Variants in ADAM9 observed in about 807,000 individuals in gnomAD.
The protein encoded by ADAM9 is disintegrin and metalloproteinase domain-containing protein 9.
A neutral mutation model predicts 108.1 loss-of-function variants in ADAM9; 54 were observed. That is an observed-to-expected ratio of 0.50 (90% CI 0.40 to 0.63). ADAM9 has a LOEUF of 0.63. ADAM9 is among the 20% of genes least tolerant of loss of function. The pLI, the probability that ADAM9 is intolerant of heterozygous loss-of-function variation, is 0.00. For synonymous variants in ADAM9, 316 were observed against 336.0 expected, an observed-to-expected ratio of 0.94 and a Z score of 0.65; for missense variants, 830 against 997.7, an observed-to-expected ratio of 0.83 and a Z score of 2.26.
At chr8:39,056,797 A>C (rs1447392389) in intron 14 of ADAM9, among the ~76,000 whole-genome samples, 3 of 151,966 alleles carry the variant, frequency 2.0e-5, no homozygotes, top group African/African-American at 7.3e-5. Flanking sequence ...TATTTATTTC[A>C]ATTTGTTCAA....
At chr8:39,094,593 A>G (rs1166138217) in intron 20 of ADAM9, among the ~76,000 whole-genome samples, 4 of 152,090 alleles carry the variant, frequency 2.6e-5, no homozygotes, top group Admixed American at 6.5e-5. Flanking sequence ...TACTAATTCA[A>G]TCTCCTTACT....
intron 12 of ADAM9, among the ~76,000 whole-genome samples, chr8:39,044,958 G>GTGTGTGCACACATACCTATGTATGTGTA (rs1837582712): frequency 6.6e-6 from 1 of 150,534 alleles, no homozygotes; most frequent in Non-Finnish European, 1.5e-5. Flanking sequence ...ATGTGTATAT[G>GTGTGTGCACACATACCTATGTATGTGTA]TGTGTGCACA....
rs887309781 is a variant in ADAM9, at chr8:39,092,165, T to A, written c.2298+819T>A. 2.6e-5 allele frequency among the ~76,000 whole-genome samples: 4 copies of A among 152,218 alleles called. No homozygotes were observed. The South Asian group carries it at 8.3e-4, about 31-fold the overall frequency. On this transcript the variant is annotated intron_variant, in intron 20 of 21. Transcript: ENST00000487273. ...AAGCAATATGTAATTTTTTAATGTT[T>A]TAAAACTTTTAAGAACGTTTTATTT...
intron 6 of ADAM9, among the ~76,000 whole-genome samples, chr8:39,018,265 T>C (rs1836610748): frequency 6.6e-6 from 1 of 152,242 alleles, no homozygotes; most frequent in Non-Finnish European, 1.5e-5. Context: ...TGCTATCCAC[T>C]CTTTTGACTT....
chr8:39,044,150 A>C (rs1479531818), intron 12 of ADAM9, among the ~76,000 whole-genome samples: 1 of 152,202 alleles, frequency 6.6e-6, no homozygotes. Flanking sequence ...CATCATATCC[A>C]TGAAATCATT....
At chr8:39,086,216 T>C (rs1287851457) in intron 18 of ADAM9, among the ~76,000 whole-genome samples, 1 of 152,176 alleles carries the variant, frequency 6.6e-6, no homozygotes, top group Non-Finnish European at 1.5e-5. Context: ...GGTTTTACGC[T>C]GTTGGCCAGG....
At chr8:39,017,937 G>T (rs933808048) in intron 6 of ADAM9, among the ~76,000 whole-genome samples, 4 of 152,294 alleles carry the variant, frequency 2.6e-5, no homozygotes, top group Non-Finnish European at 4.4e-5. Context: ...CTCAAATGGT[G>T]ATTCTTGAAC....
At chr8:39,011,518 A>G (rs1588329969) in intron 2 of ADAM9, 140 bp from the exon 3 acceptor site, 2 of 716,416 alleles carry the variant, frequency 2.8e-6, no homozygotes, top group East Asian at 5.3e-5. Flanking sequence ...GAATAGACAC[A>G]AAGTTCTTCT....
At chr8:39,082,529 A>C (rs2129442412) in intron 16 of ADAM9, 112 bp from the exon 17 acceptor site, 1 of 764,886 alleles carries the variant, frequency 1.3e-6, no homozygotes, top group African/African-American at 1.8e-5. Context: ...GGTTCCTTGA[A>C]AGTTTGAAAG....
intron 21 of ADAM9, among the ~76,000 whole-genome samples, 199 bp downstream of exon 21, chr8:39,102,129 A>G (rs1400010618): frequency 6.6e-6 from 1 of 152,218 alleles, no homozygotes; most frequent in African/African-American, 2.4e-5. Flanking sequence ...ATGAAATATT[A>G]AATAAGCTTG....
At chr8:39,023,740 GTT>G (rs869059346) in intron 9 of ADAM9, among the ~76,000 whole-genome samples, 55 of 78,902 alleles carry the variant, frequency 7.0e-4, no homozygotes, top group African/African-American at 2.8e-3. Flanking sequence ...TTTTGCGTTT[GTT>G]TTTTTTTTTT....
At chr8:39,011,748 T>TA in intron 3 of ADAM9, 32 bp downstream of exon 3, 1 of 1,568,176 alleles carries the variant, frequency 6.4e-7, no homozygotes, top group South Asian at 1.1e-5. Flanking sequence ...GGCTTTTCAG[T>TA]AATGTTTTTC....
At chr8:39,053,304 G>A (rs186455159) in intron 12 of ADAM9, among the ~76,000 whole-genome samples, 1 of 152,202 alleles carries the variant, frequency 6.6e-6, no homozygotes, top group African/African-American at 2.4e-5. Context: ...ATTTTGAAGA[G>A]CAGAACTTTT....
chr8:39,001,203 A>G (rs138931690), intron 1 of ADAM9, among the ~76,000 whole-genome samples: 84 of 152,336 alleles, frequency 5.5e-4, no homozygotes, highest in African/African-American at 2.0e-3. Context: ...TAGCAATACA[A>G]TGAAATACGA....
At chr8:39,071,635 T>A (rs1838697619) in intron 15 of ADAM9, among the ~76,000 whole-genome samples, 1 of 152,010 alleles carries the variant, frequency 6.6e-6, no homozygotes, top group Non-Finnish European at 1.5e-5. Context: ...CCCAGCTAAT[T>A]TTTTGTATTT....
chr8:39,077,487 T>A, intron 16 of ADAM9, 76 bp downstream of exon 16: 2 of 1,326,416 alleles, frequency 1.5e-6, no homozygotes, highest in Non-Finnish European at 2.0e-6. Context: ...AAGTGGTTGC[T>A]CTTTTCTGAT....
intron 16 of ADAM9, among the ~76,000 whole-genome samples, chr8:39,081,099 C>T (rs1839010047): frequency 6.6e-6 from 1 of 151,960 alleles, no homozygotes; most frequent in South Asian, 2.1e-4. Context: ...AGGCTTGCAC[C>T]ACCATGCCCG....
Position 39,103,749 on chromosome 8 carries a change from CTTT to C in ADAM9, c.*58_*60del. The C allele has an allele frequency of 8.2e-7, 1 of 1,226,456 alleles. No homozygotes were observed. The allele number at this position is 1,226,456 out of a possible 1,614,324, so 76.0% of individuals were successfully genotyped here. On this transcript the variant is annotated 3_prime_UTR_variant, in exon 22 of 22. Transcript: ENST00000487273. The stretch of plus-strand genomic sequence containing the variant: ...ATGTCTTCAGGGAACTGAGCTAATA[CTTT>C]TTTTTTTTCTTGATGTTTTCTTGAA...
chr8:39,033,422 C>G (rs1837163856), intron 11 of ADAM9, among the ~76,000 whole-genome samples: 1 of 151,960 alleles, frequency 6.6e-6, no homozygotes, highest in East Asian at 1.9e-4. Flanking sequence ...TCTTTTCTCA[C>G]TGCAGTAGCT....
Sources: allele counts gnomAD v4.1 joint callset (sites outside exome capture counted in the v4.1 genomes callset), GRCh38; gene constraint gnomAD v4.1.1; transcripts MANE v1.5; gene names NCBI Gene and HGNC (gene_info 2026-07-23, HGNC 2026-07-21).